The following PTGER4 variants were observed in gnomAD, a reference collection of about 807,000 sequenced individuals.
The protein encoded by PTGER4 is prostaglandin E2 receptor EP4 subtype.
PTGER4 carries 11 observed loss-of-function variants against 33.2 expected under a neutral mutation model. The observed-to-expected ratio is 0.33, with a 90% CI of 0.21 to 0.55. The LOEUF is 0.55. Among genes scored for constraint, PTGER4 ranks in the 20% least tolerant of loss-of-function variants. The pLI is 0.92. For synonymous variants in PTGER4, 275 were observed against 281.5 expected (o/e 0.98, Z 0.23); for missense variants, 481 against 650.2 (o/e 0.74, Z 2.83).
chr5:40,697,114 GAAAA>G (rs776747297), downstream of PTGER4, among the ~76,000 whole-genome samples: 44 of 57,974 alleles, frequency 7.6e-4, no homozygotes, highest in African/African-American at 3.1e-3. Context: ...AGAAAGGAAA[GAAAA>G]AAGAAAGAAA....
chr5:40,728,091 G>C, the PTGER4 span, among the ~76,000 whole-genome samples: 1 of 151,868 alleles, frequency 6.6e-6, no homozygotes, highest in Non-Finnish European at 1.5e-5. Context: ...AGACCAGCCT[G>C]ACTAACATGG....
chr5:40,737,151 G>A, the PTGER4 span, among the ~76,000 whole-genome samples: 1 of 152,128 alleles, frequency 6.6e-6, no homozygotes, highest in African/African-American at 2.4e-5. Context: ...CAAAAAATCA[G>A]CCAGGCATGG....
the PTGER4 span, among the ~76,000 whole-genome samples, chr5:40,722,680 G>A: frequency 6.6e-6 from 1 of 151,572 alleles, no homozygotes; most frequent in Non-Finnish European, 1.5e-5. Context: ...CAGCCGCCCA[G>A]TCTGGGAAGT....
chr5:40,687,893 T>C (rs1275588210), intron 2 of PTGER4, among the ~76,000 whole-genome samples: 1 of 152,230 alleles, frequency 6.6e-6, no homozygotes, highest in Admixed American at 6.5e-5. Flanking sequence ...AGCATACTTT[T>C]AATATAGCCT....
At chr5:40,730,004 T>A in the PTGER4 span, among the ~76,000 whole-genome samples, 1 of 152,182 alleles carries the variant, frequency 6.6e-6, no homozygotes, top group African/African-American at 2.4e-5. Context: ...TGCCCACCAG[T>A]GACTTTAAAA....
At chr5:40,704,578 C>T in the PTGER4 span, among the ~76,000 whole-genome samples, 2 of 152,108 alleles carry the variant, frequency 1.3e-5, no homozygotes, top group Non-Finnish European at 2.9e-5. Context: ...CTAGAAAACC[C>T]CATAGTCTCA....
In PTGER4 at chr5:40,692,727, A is replaced by G. The variant is rs1041258346; in HGVS notation, c.*349A>G. On this transcript the variant is annotated 3_prime_UTR_variant, in exon 3 of 3. Coordinates refer to ENST00000302472, the MANE Select transcript of PTGER4 (RefSeq NM_000958.3). Reference sequence around the variant, plus strand: ...CGTATTTGGCACACAGCAGAGGCCCAGATATTAGAAAGGCTCTATTCCAAT... The same window carrying G: ...CGTATTTGGCACACAGCAGAGGCCCGGATATTAGAAAGGCTCTATTCCAAT... The G allele has an allele frequency of 1.8e-5, 19 of 1,027,810 alleles. No individual in the cohort carries two copies. Among genetic ancestry groups the G allele is most frequent in the Non-Finnish European group, 2.2e-5 (19 of 856,128 alleles). The allele number at this position is 1,027,810 out of a possible 1,614,324, so 63.7% of individuals were successfully genotyped here. A position where few individuals can be genotyped will look rare whatever the true frequency, so the allele number is the denominator to read the frequency against.
At chr5:40,719,217 C>T in the PTGER4 span, among the ~76,000 whole-genome samples, 4 of 152,194 alleles carry the variant, frequency 2.6e-5, no homozygotes, top group African/African-American at 7.2e-5. Flanking sequence ...AGTTACTCCT[C>T]ATTTCTCCCC....
At chr5:40,703,060 T>G in the PTGER4 span, among the ~76,000 whole-genome samples, 1 of 152,080 alleles carries the variant, frequency 6.6e-6, no homozygotes, top group Non-Finnish European at 1.5e-5. Flanking sequence ...ATCAAAAAGT[T>G]ACAAAGATCT....
downstream of PTGER4, among the ~76,000 whole-genome samples, chr5:40,697,203 A>C (rs1394329080): frequency 7.0e-6 from 1 of 142,796 alleles, no homozygotes; most frequent in Non-Finnish European, 1.5e-5. Flanking sequence ...AAGAAAAGAA[A>C]GAAAGAAAGA....
At chr5:40,723,690 C>T in the PTGER4 span, among the ~76,000 whole-genome samples, 9 of 152,080 alleles carry the variant, frequency 5.9e-5, no homozygotes, top group East Asian at 9.6e-4. Flanking sequence ...CATGGCAAAA[C>T]CCTGTCTCTA....
At chr5:40,730,304 C>A in the PTGER4 span, 3 of 1,612,422 alleles carry the variant, frequency 1.9e-6, no homozygotes, top group Non-Finnish European at 2.5e-6. Flanking sequence ...TTGGAGTTAA[C>A]TGTAGTGCTT....
At position 40,693,232 on chromosome 5, in the gene PTGER4, C is replaced by T. The variant is rs763855320; in HGVS notation, c.*854C>T. The T allele has an allele frequency of 1.0e-4, 103 of 983,916 alleles. No individual in the cohort carries two copies. The highest frequency in any genetic ancestry group is 1.2e-4 in the Non-Finnish European group (100 of 828,384). The allele number at this position is 983,916 out of a possible 1,614,324, so 60.9% of individuals were successfully genotyped here. A position where few individuals can be genotyped will look rare whatever the true frequency, so the allele number is the denominator to read the frequency against. ...CTGGTGAATATTTTCAACTTTTTCC[C>T]TCACTAATTGGTACTTTTAAAAACA... is the stretch of plus-strand genomic sequence containing the variant. On this transcript the variant is annotated 3_prime_UTR_variant, in exon 3 of 3. Coordinates refer to ENST00000302472, the MANE Select transcript of PTGER4 (RefSeq NM_000958.3).
chr5:40,687,029 TTTTTTG>T (rs45527140), intron 2 of PTGER4, among the ~76,000 whole-genome samples: 187 of 152,012 alleles, frequency 1.2e-3, no homozygotes, highest in African/African-American at 3.4e-3. Context: ...TTCAGTGAGT[TTTTTTG>T]TTTTTGTTTT....
At chr5:40,714,824 A>G in the PTGER4 span, 1 of 152,270 alleles carries the variant, frequency 6.6e-6, no homozygotes, top group East Asian at 1.9e-4. Context: ...CAACAGTAGT[A>G]AGATCTTTAA....
the PTGER4 span, among the ~76,000 whole-genome samples, chr5:40,730,651 G>A: frequency 1.3e-5 from 2 of 152,064 alleles, no homozygotes; most frequent in African/African-American, 4.8e-5. Flanking sequence ...CTGCTTTCAG[G>A]AGGAGCAGTC....
chr5:40,707,409 G>C, the PTGER4 span, among the ~76,000 whole-genome samples: 2 of 152,090 alleles, frequency 1.3e-5, no homozygotes, highest in South Asian at 2.1e-4. Context: ...GACTTTAAAC[G>C]AACAAAGATC....
the PTGER4 span, among the ~76,000 whole-genome samples, chr5:40,726,501 T>A: frequency 2.6e-5 from 4 of 151,314 alleles, no homozygotes; most frequent in African/African-American, 9.7e-5. Context: ...GAGAACAGCT[T>A]AAATCTACAT....
chr5:40,695,461 G>A (rs1327384545), downstream of PTGER4, among the ~76,000 whole-genome samples: 6 of 152,078 alleles, frequency 3.9e-5, no homozygotes, highest in Non-Finnish European at 7.4e-5. Context: ...CAGGAGAATC[G>A]TTTAAACCCG....
Sources: gnomAD v4.1 joint callset for allele counts (sites outside exome capture counted in the v4.1 genomes callset) on GRCh38, gnomAD v4.1.1 for gene constraint, MANE v1.5 for transcripts, NCBI Gene and HGNC (gene_info 2026-07-23, HGNC 2026-07-21) for gene names.